The following RANBP2 variants were observed in gnomAD, a reference collection of about 807,000 sequenced individuals.
The protein encoded by RANBP2 is E3 SUMO-protein ligase RanBP2.
RANBP2 carries 57 observed loss-of-function variants against 303.6 expected under a neutral mutation model. The ratio of observed to expected loss-of-function variants is 0.19; its 90% CI spans 0.15 to 0.23. The LOEUF (loss-of-function observed/expected upper bound fraction) is 0.23. Ranked by LOEUF, RANBP2 falls within the 10% of genes least tolerant of loss-of-function variation. The probability of loss-of-function intolerance (pLI) is 1.00; values close to 1 mark genes in which losing one functional copy is unlikely to be tolerated. For missense variants in RANBP2, 3,138 were observed against 3,780.8 expected (o/e 0.83, Z 4.46); for synonymous variants, 1,167 against 1,301.5 (o/e 0.90, Z 2.23).
At chr2:109,113,304 T>C in the RANBP2 span, among the ~76,000 whole-genome samples, 2 of 152,174 alleles carry the variant, frequency 1.3e-5, no homozygotes, top group Admixed American at 1.3e-4. Context: ...TCCTCTTTTA[T>C]TTCATTGAGC....
intron 1 of RANBP2, among the ~76,000 whole-genome samples, chr2:108,721,200 G>T (rs1468715726): frequency 6.6e-6 from 1 of 152,194 alleles, no homozygotes; most frequent in Non-Finnish European, 1.5e-5. Flanking sequence ...AGAGATTTAA[G>T]ATACTTGTTC....
chr2:109,031,008 C>G, the RANBP2 span, among the ~76,000 whole-genome samples: 1 of 152,206 alleles, frequency 6.6e-6, no homozygotes, highest in South Asian at 2.1e-4. Context: ...TCAGTGTCAT[C>G]TGCACCTTTT....
the RANBP2 span, among the ~76,000 whole-genome samples, chr2:108,887,814 G>A: frequency 6.6e-6 from 1 of 152,076 alleles, no homozygotes; most frequent in African/African-American, 2.4e-5. Context: ...CATCAGCAAG[G>A]AGGGCCAATT....
the RANBP2 span, among the ~76,000 whole-genome samples, chr2:109,426,106 G>A: frequency 2.4e-4 from 37 of 152,014 alleles, no homozygotes; most frequent in Non-Finnish European, 3.7e-4. Flanking sequence ...ACAGGTTTTC[G>A]CCATGTTGGC....
chr2:109,594,382 C>T, the RANBP2 span, among the ~76,000 whole-genome samples: 28,887 of 152,188 alleles, frequency 0.19, 3,496 homozygotes, highest in Non-Finnish European at 0.27. Context: ...CAGACCCTTA[C>T]GCATCCTTCC....
the RANBP2 span, among the ~76,000 whole-genome samples, chr2:109,686,103 G>A: frequency 6.6e-6 from 1 of 151,894 alleles, no homozygotes; most frequent in Non-Finnish European, 1.5e-5. Flanking sequence ...TAGTTTTTAG[G>A]TGGTTTCGCC....
the RANBP2 span, among the ~76,000 whole-genome samples, chr2:109,483,576 TC>T: frequency 6.6e-6 from 1 of 152,326 alleles, no homozygotes; most frequent in East Asian, 1.9e-4. Context: ...TCCTTTGACT[TC>T]CTATCTGCTG....
chr2:109,001,382 C>A, the RANBP2 span, among the ~76,000 whole-genome samples: 89 of 152,330 alleles, frequency 5.8e-4, 1 homozygote, highest in Middle Eastern at 6.8e-3. Flanking sequence ...GCAGCTTTCA[C>A]ACAAGAACAG....
chr2:109,589,055 G>A, the RANBP2 span, among the ~76,000 whole-genome samples: 3 of 151,652 alleles, frequency 2.0e-5, no homozygotes, highest in Non-Finnish European at 2.9e-5. Context: ...CTCAGCCTCT[G>A]GAGTAGTTGG....
the RANBP2 span, among the ~76,000 whole-genome samples, chr2:109,089,443 A>T: frequency 2.2e-5 from 3 of 134,388 alleles, no homozygotes; most frequent in African/African-American, 5.7e-5. Context: ...ATCTCTATTT[A>T]AAAAAAAAAA....
chr2:108,915,679 C>A, the RANBP2 span, among the ~76,000 whole-genome samples: 2 of 152,136 alleles, frequency 1.3e-5, no homozygotes, highest in African/African-American at 4.8e-5. Context: ...GCGGGAGGAT[C>A]ACCTAAGAGG....
At chr2:109,133,972 T>A in the RANBP2 span, among the ~76,000 whole-genome samples, 1 of 152,134 alleles carries the variant, frequency 6.6e-6, no homozygotes, top group Non-Finnish European at 1.5e-5. Context: ...GTCCAGCTGG[T>A]CAGCTAGTGG....
the RANBP2 span, chr2:108,910,363 C>A: frequency 1.0e-6 from 1 of 993,252 alleles, no homozygotes; most frequent in Non-Finnish European, 1.6e-6. Context: ...GTGTCCCAGG[C>A]TAGCCTGTCA....
the RANBP2 span, among the ~76,000 whole-genome samples, chr2:109,203,842 G>A: frequency 6.6e-6 from 1 of 152,142 alleles, no homozygotes; most frequent in Non-Finnish European, 1.5e-5. Context: ...TCTTGTGTGG[G>A]TGCCTCGCTA....
intron 1 of RANBP2, among the ~76,000 whole-genome samples, chr2:108,724,472 G>A (rs951538113): frequency 1.1e-4 from 16 of 151,438 alleles, no homozygotes; most frequent in African/African-American, 3.1e-4. Context: ...TTTTTTTTTC[G>A]CAATTTTGAA....
chr2:109,047,227 C>T, the RANBP2 span, among the ~76,000 whole-genome samples: 1 of 152,202 alleles, frequency 6.6e-6, no homozygotes, highest in African/African-American at 2.4e-5. Context: ...ATTGCTTCCC[C>T]AATTCTTGGC....
chr2:109,188,438 A>G, the RANBP2 span, among the ~76,000 whole-genome samples: 3 of 152,162 alleles, frequency 2.0e-5, no homozygotes, highest in African/African-American at 4.8e-5. Flanking sequence ...CATCCACACA[A>G]CAGGTGTGGA....
At chr2:109,228,174 C>G in the RANBP2 span, among the ~76,000 whole-genome samples, 1 of 152,130 alleles carries the variant, frequency 6.6e-6, no homozygotes, top group African/African-American at 2.4e-5. Flanking sequence ...AAACATGGTG[C>G]TACTTGCTTA....
At chr2:109,169,456 G>A in the RANBP2 span, among the ~76,000 whole-genome samples, 1 of 152,114 alleles carries the variant, frequency 6.6e-6, no homozygotes, top group Admixed American at 6.5e-5. Context: ...GGAGGAGGGT[G>A]TTGAATTGTC....
Sources: allele counts gnomAD v4.1 joint callset (sites outside exome capture counted in the v4.1 genomes callset), GRCh38; gene constraint gnomAD v4.1.1; transcripts MANE v1.5; gene names NCBI Gene and HGNC (gene_info 2026-07-23, HGNC 2026-07-21).